The following FGD3 variants were observed in gnomAD, a reference collection of about 807,000 sequenced individuals.
FGD3 encodes the protein FYVE, RhoGEF and PH domain containing 3.
Under a neutral mutation model 71.8 loss-of-function variants are expected in FGD3, and 45 were observed. That is an observed-to-expected ratio of 0.63 (90% CI 0.49 to 0.80). FGD3 has a LOEUF of 0.80. FGD3 is among the 30% of genes least tolerant of loss of function. FGD3 has a pLI of 0.00. For missense variants in FGD3, 844 were observed against 951.5 expected, an observed-to-expected ratio of 0.89 and a Z score of 1.49; for synonymous variants, 378 against 392.8, an observed-to-expected ratio of 0.96 and a Z score of 0.44.
intron 3 of FGD3, among the ~76,000 whole-genome samples, chr9:92,984,534 G>A (rs910693299): frequency 6.6e-6 from 1 of 152,130 alleles, no homozygotes; most frequent in Non-Finnish European, 1.5e-5. Context: ...TTTTTGCTAG[G>A]GTTTGTCCAA....
chr9:92,989,579 C>G (rs1003698356), intron 3 of FGD3, among the ~76,000 whole-genome samples: 1 of 152,164 alleles, frequency 6.6e-6, no homozygotes, highest in African/African-American at 2.4e-5. Flanking sequence ...TGCCTTTCTC[C>G]AAAGAGGACT....
At chr9:92,978,561 G>A (rs1859859060) in intron 3 of FGD3, among the ~76,000 whole-genome samples, 1 of 151,892 alleles carries the variant, frequency 6.6e-6, no homozygotes, top group African/African-American at 2.4e-5. Context: ...GCGTGCATTT[G>A]TGTCCTGAAA....
At chr9:92,964,924 T>C (rs1161980137) in intron 1 of FGD3, among the ~76,000 whole-genome samples, 1 of 152,204 alleles carries the variant, frequency 6.6e-6, no homozygotes, top group Non-Finnish European at 1.5e-5. Flanking sequence ...CTCCAGAAGC[T>C]TCCTCTGCAC....
At position 93,003,024 on chromosome 9, in the gene FGD3, A is replaced by G. The variant is rs765299985; in HGVS notation, c.543+10A>G. On this transcript the variant is annotated intron_variant, in intron 4 of 17. Transcript: ENST00000375482. This position sits in a 1 kb window ranked among gnomAD's most constrained non-coding sequence, Gnocchi z 4.1. ...GCACCTGCTGGACCAGGTAGCCCAC[A>G]TGGCTTGGGGGCAGTTTCAGTATCT... 1.9e-6 allele frequency: 3 copies of G among 1,613,762 alleles called. No homozygotes were observed. The highest frequency in any genetic ancestry group is 1.3e-5 in the African/African-American group (1 of 74,934).
chr9:92,973,106 ATTTTTTTT>A (rs59046376), intron 1 of FGD3, among the ~76,000 whole-genome samples: 1 of 87,124 alleles, frequency 1.1e-5, no homozygotes, highest in East Asian at 3.9e-4. Context: ...ATGCCTGGTA[ATTTTTTTT>A]TTTTTTTTTT....
chr9:92,952,796 T>G, intron 1 of FGD3, among the ~76,000 whole-genome samples: 1 of 152,072 alleles, frequency 6.6e-6, no homozygotes, highest in East Asian at 1.9e-4. Flanking sequence ...TTTAGAATAG[T>G]GCTGCTGTGA....
At chr9:93,034,423 C>A in intron 16 of FGD3, 118 bp from the exon 17 acceptor site, 1 of 1,363,520 alleles carries the variant, frequency 7.3e-7, no homozygotes, top group Non-Finnish European at 9.9e-7. Context: ...CAGATCTTGG[C>A]CATGTCTCCA....
At chr9:93,013,799 G>T in intron 8 of FGD3, 53 bp from the exon 9 acceptor site, 1 of 1,607,282 alleles carries the variant, frequency 6.2e-7, no homozygotes, top group Non-Finnish European at 8.5e-7. Context: ...GCATCTCTAG[G>T]TCACCAGCCA....
chr9:92,975,128 G>T (rs917987190), intron 1 of FGD3, 110 bp from the exon 2 acceptor site: 2 of 152,368 alleles, frequency 1.3e-5, no homozygotes, highest in African/African-American at 4.8e-5. Flanking sequence ...ACCATGCTGG[G>T]TGGTGGCATG....
chr9:92,979,340 G>A (rs372077980), intron 3 of FGD3, among the ~76,000 whole-genome samples: 1 of 152,158 alleles, frequency 6.6e-6, no homozygotes, highest in African/African-American at 2.4e-5. Context: ...CCTTTCAAAT[G>A]CTTTTTCTGC....
At chr9:93,004,180 C>G in intron 5 of FGD3, 43 bp downstream of exon 5, 1 of 1,608,004 alleles carries the variant, frequency 6.2e-7, no homozygotes, top group Non-Finnish European at 8.5e-7. Flanking sequence ...CTCAAGTGTT[C>G]TCTAGACCAG....
chr9:92,959,950 A>G (rs2118513480), intron 1 of FGD3, among the ~76,000 whole-genome samples: 1 of 151,160 alleles, frequency 6.6e-6, no homozygotes. Context: ...GCGTGTTCTC[A>G]TTCCTCATGT....
At chr9:92,952,544 C>A (rs1024294627) in intron 1 of FGD3, among the ~76,000 whole-genome samples, 7 of 152,050 alleles carry the variant, frequency 4.6e-5, no homozygotes, top group African/African-American at 1.7e-4. Context: ...GCCCGAAAAT[C>A]AAACTGTTTT....
At chr9:92,978,022 C>A (rs1480786398) in intron 3 of FGD3, among the ~76,000 whole-genome samples, 5 of 152,140 alleles carry the variant, frequency 3.3e-5, no homozygotes, top group Admixed American at 3.3e-4. Context: ...GTGGCTCACG[C>A]CTATAATCCT....
chr9:92,953,086 G>A (rs1459430811), intron 1 of FGD3, among the ~76,000 whole-genome samples: 1 of 152,196 alleles, frequency 6.6e-6, no homozygotes, highest in Non-Finnish European at 1.5e-5. Flanking sequence ...TCTGGTTGAC[G>A]CTGTGCAGCT....
At chr9:93,011,612 C>G (rs992660624) in intron 8 of FGD3, among the ~76,000 whole-genome samples, 2 of 151,890 alleles carry the variant, frequency 1.3e-5, no homozygotes, top group African/African-American at 4.8e-5. Context: ...AATCCCAGCA[C>G]TTTGGGAGGC....
At chr9:92,952,233 A>ATTT (rs35969028) in intron 1 of FGD3, among the ~76,000 whole-genome samples, 9 of 127,786 alleles carry the variant, frequency 7.0e-5, no homozygotes, top group East Asian at 2.2e-4. Flanking sequence ...TTGAAAGTCA[A>ATTT]TTTTTTTTTT....
intron 1 of FGD3, among the ~76,000 whole-genome samples, chr9:92,961,575 A>G (rs1859168032): frequency 6.6e-6 from 1 of 152,192 alleles, no homozygotes; most frequent in Non-Finnish European, 1.5e-5. Context: ...CTTTTTCATG[A>G]TGAAAATACT....
At chr9:92,963,313 T>C (rs1308961814) in intron 1 of FGD3, among the ~76,000 whole-genome samples, 1 of 152,228 alleles carries the variant, frequency 6.6e-6, no homozygotes, top group African/African-American at 2.4e-5. Flanking sequence ...ATTATTTTAT[T>C]TTTATTGAGA....
Sources: gnomAD v4.1 joint callset for allele counts (sites outside exome capture counted in the v4.1 genomes callset) on GRCh38, gnomAD v4.1.1 for gene constraint, Gnocchi (gnomAD v3.1) non-coding constraint, MANE v1.5 for transcripts, NCBI Gene and HGNC (gene_info 2026-07-23, HGNC 2026-07-21) for gene names.